Variants in TMEM123 observed in about 807,000 individuals in gnomAD.
TMEM123 encodes porimin.
Under a neutral mutation model 19.7 loss-of-function variants are expected in TMEM123, and 16 were observed. The observed-to-expected ratio is 0.81, with a 90% CI of 0.55 to 1.23. TMEM123 has a LOEUF of 1.23. TMEM123 is among the 50% of genes most tolerant of loss of function. The pLI is 0.00. For missense variants in TMEM123, 313 were observed against 257.8 expected (o/e 1.21, Z -1.47); for synonymous variants, 118 against 99.4 (o/e 1.19, Z -1.12).
At chr11:102,402,496 T>A (rs1340115159) in intron 2 of TMEM123, among the ~76,000 whole-genome samples, 1 of 151,092 alleles carries the variant, frequency 6.6e-6, no homozygotes, top group Non-Finnish European at 1.5e-5. Context: ...TGCAGGGACA[T>A]GTCTTAATCA....
chr11:102,427,935 A>G (rs1039690081), intron 2 of TMEM123, among the ~76,000 whole-genome samples: 5 of 152,174 alleles, frequency 3.3e-5, no homozygotes, highest in African/African-American at 1.2e-4. Flanking sequence ...GAGATTCAGA[A>G]AAGAATATAC....
chr11:102,401,591 A>T lies in TMEM123; in HGVS notation c.550T>A (p.Tyr184Asn), dbSNP rs1294878072. 6.9e-6 allele frequency: 11 copies of T among 1,602,476 alleles called. No homozygotes were observed. The highest frequency in any genetic ancestry group is 9.3e-6 in the Non-Finnish European group (11 of 1,177,356). Residue 184 changes from tyrosine (Y) to asparagine (N), a missense_variant, in exon 4 of 5, where the codon TAC becomes AAC. By Grantham distance (143) the Tyr-to-Asn change is moderately radical. Coordinates refer to ENST00000398136, the MANE Select transcript of TMEM123 (RefSeq NM_052932.3). Reference sequence around the variant, plus strand: ...GAGTAATACATTTTGCATCCAATGTAAAGAATAGATAAAACTCCCAGCGTT... The same window carrying T: ...GAGTAATACATTTTGCATCCAATGTTAAGAATAGATAAAACTCCCAGCGTT... ...VLTLGVLSIL[Y>N]IGCKMYYSRR...
intron 2 of TMEM123, among the ~76,000 whole-genome samples, chr11:102,423,599 A>G (rs1305279853): frequency 6.6e-6 from 1 of 152,236 alleles, no homozygotes; most frequent in African/African-American, 2.4e-5. Context: ...AGCTACTTCT[A>G]AACTCCTGAC....
intron 2 of TMEM123, among the ~76,000 whole-genome samples, chr11:102,408,886 G>C (rs1951978635): frequency 6.6e-6 from 1 of 152,176 alleles, no homozygotes; most frequent in Non-Finnish European, 1.5e-5. Context: ...TTGCAACAAG[G>C]CCAAGGACAC....
chr11:102,399,711 T>C (rs1951893870), intron 4 of TMEM123, among the ~76,000 whole-genome samples: 1 of 152,242 alleles, frequency 6.6e-6, no homozygotes, highest in Non-Finnish European at 1.5e-5. Flanking sequence ...GGCTCACGCC[T>C]GTAATCCCAG....
At chr11:102,430,366 T>C (rs1329732778) in intron 2 of TMEM123, among the ~76,000 whole-genome samples, 1 of 152,194 alleles carries the variant, frequency 6.6e-6, no homozygotes, top group Non-Finnish European at 1.5e-5. Flanking sequence ...GCCTTCCCCC[T>C]GAAGGAGCTG....
rs1489010364 is a variant in TMEM123, at chr11:102,397,871, A to C, written c.*996T>G. 1 of 152,206 alleles carries C rather than the reference A, an allele frequency of 6.6e-6. No individual in the cohort carries two copies. The highest frequency in any genetic ancestry group is 1.5e-5 in the Non-Finnish European group (1 of 68,012). 9.4% of individuals were successfully genotyped at this position (152,206 alleles called of 1,614,324 possible). Reference sequence around the variant, plus strand: ...TATAGTTTTGACTCTATAGAATTCTAAATGTTCTTTTGAAAATCATACAAG... The same window carrying C: ...TATAGTTTTGACTCTATAGAATTCTCAATGTTCTTTTGAAAATCATACAAG... On this transcript the variant is annotated 3_prime_UTR_variant, in exon 5 of 5. Coordinates refer to ENST00000398136, the MANE Select transcript of TMEM123 (RefSeq NM_052932.3).
At chr11:102,416,884 T>TA (rs899510580) in intron 2 of TMEM123, among the ~76,000 whole-genome samples, 6 of 151,858 alleles carry the variant, frequency 4.0e-5, no homozygotes, top group African/African-American at 9.7e-5. Context: ...TAATGTGAAC[T>TA]AAAAAAACCA....
At position 102,401,909 on chromosome 11, in the gene TMEM123, T is replaced by C; in HGVS notation, c.448+7A>G. The C allele has an allele frequency of 2.5e-6, 4 of 1,612,270 alleles. No homozygotes were observed. The highest frequency in any genetic ancestry group is 3.4e-6 in the Non-Finnish European group (4 of 1,178,770). On this transcript the variant is annotated splice_region_variant and intron_variant, in intron 3 of 4. Coordinates refer to ENST00000398136, the MANE Select transcript of TMEM123 (RefSeq NM_052932.3). The stretch of plus-strand genomic sequence containing the variant: ...ATAGGAAAAAAAAGGTCAGCTTTAA[T>C]ACATACTTGTTACTGATGAAGCAGC...
chr11:102,445,798 A>C (rs1246087105), intron 2 of TMEM123, among the ~76,000 whole-genome samples: 1 of 152,198 alleles, frequency 6.6e-6, no homozygotes, highest in Non-Finnish European at 1.5e-5. Flanking sequence ...TAGTGTAATA[A>C]AACATTTTTA....
At chr11:102,435,262 A>G (rs1372020720) in intron 2 of TMEM123, among the ~76,000 whole-genome samples, 1 of 151,994 alleles carries the variant, frequency 6.6e-6, no homozygotes, top group Non-Finnish European at 1.5e-5. Flanking sequence ...TAACAAAAAG[A>G]CAACCCAATT....
At chr11:102,425,101 T>TG (rs1952115414) in intron 2 of TMEM123, among the ~76,000 whole-genome samples, 1 of 152,232 alleles carries the variant, frequency 6.6e-6, no homozygotes, top group African/African-American at 2.4e-5. Flanking sequence ...CAAATACTTG[T>TG]GATCTCCAAG....
At chr11:102,425,562 GTTTTTTTTTTTTTCTTTTTTCTTTT>G (rs1952119226) in intron 2 of TMEM123, among the ~76,000 whole-genome samples, 1 of 118,134 alleles carries the variant, frequency 8.5e-6, no homozygotes, top group Admixed American at 8.3e-5. Flanking sequence ...CTCCAGGATT[GTTTTTTTTTTTTTCTTTTTTCTTTT>G]TTTTTTTTTT....
At chr11:102,401,891 A>G (rs981292502) in intron 3 of TMEM123, 25 bp downstream of exon 3, 1 of 1,600,718 alleles carries the variant, frequency 6.2e-7, no homozygotes, top group East Asian at 2.2e-5. Context: ...AGCATAGGAA[A>G]AAAAAGGTCA....
Position 102,398,882 on chromosome 11 carries a change from A to G in TMEM123, c.612T>C (p.His204=). 4 of 1,611,426 alleles carry G rather than the reference A, an allele frequency of 2.5e-6. No homozygotes were observed. The highest frequency in any genetic ancestry group is 3.4e-6 in the Non-Finnish European group (4 of 1,179,164). Residue 204 remains histidine (H), a synonymous_variant, in exon 5 of 5, where the codon CAT becomes CAC. Transcript: ENST00000398136. ...RGIRYRTIDE[H]DAII ...ATGGATTTCCTTAAATGATGGCATC[A>G]TGTTCATCTCTGTAATATATTAAAA...
rs574567399 is a variant in TMEM123 at position 102,437,412 on chromosome 11, C to T, written c.157+11400G>A. The stretch of plus-strand genomic sequence containing the variant: ...GGCGGAGGTTTCAGTGAGTTGAGAT[C>T]GAGCCACTGTACTCCAGCCTGGGTG... On this transcript the variant is annotated intron_variant, in intron 2 of 4. Coordinates refer to ENST00000398136, the MANE Select transcript of TMEM123 (RefSeq NM_052932.3). 1.4e-4 allele frequency among the ~76,000 whole-genome samples: 21 copies of T among 149,070 alleles called. No homozygotes were observed. In the South Asian group the frequency reaches 4.0e-3, roughly 28 times the overall value.
At chr11:102,440,333 A>T (rs1857811786) in intron 2 of TMEM123, among the ~76,000 whole-genome samples, 1 of 152,254 alleles carries the variant, frequency 6.6e-6, no homozygotes, top group South Asian at 2.1e-4. Context: ...GAAGCCCATC[A>T]GACTAACAGC....
intron 2 of TMEM123, among the ~76,000 whole-genome samples, chr11:102,410,473 T>C (rs1951995327): frequency 6.6e-6 from 1 of 151,116 alleles, no homozygotes; most frequent in Non-Finnish European, 1.5e-5. Context: ...TTCCATTCCG[T>C]TTCCACAGAC....
chr11:102,435,446 G>T (rs139641611), intron 2 of TMEM123, among the ~76,000 whole-genome samples: 2 of 152,060 alleles, frequency 1.3e-5, no homozygotes, highest in Admixed American at 6.6e-5. Flanking sequence ...ACAAGGACTG[G>T]TGAGGATATG....
Sources: gnomAD v4.1 joint callset for allele counts (sites outside exome capture counted in the v4.1 genomes callset) on GRCh38, gnomAD v4.1.1 for gene constraint, MANE v1.5 for transcripts, NCBI Gene and HGNC (gene_info 2026-07-23, HGNC 2026-07-21) for gene names.